The following SYCP2L variants were observed in gnomAD, a reference collection of about 807,000 sequenced individuals.
SYCP2L encodes synaptonemal complex protein 2 like.
A neutral mutation model predicts 125.8 loss-of-function variants in SYCP2L; 98 were observed. The ratio of observed to expected loss-of-function variants is 0.78; its 90% CI spans 0.66 to 0.92. The LOEUF (loss-of-function observed/expected upper bound fraction) is 0.92, where lower values mean the gene tolerates loss of function less well. Ranked by LOEUF, SYCP2L falls within the 40% of genes least tolerant of loss-of-function variation. The pLI, the probability that SYCP2L is intolerant of heterozygous loss-of-function variation, is 0.00. For synonymous variants in SYCP2L, 317 were observed against 325.4 expected (o/e 0.97, Z 0.28); for missense variants, 842 against 936.4 (o/e 0.90, Z 1.32).
intron 29 of SYCP2L, among the ~76,000 whole-genome samples, chr6:10,972,555 T>C (rs1040421998): frequency 7.9e-5 from 12 of 152,244 alleles, no homozygotes; most frequent in African/African-American, 2.9e-4. Context: ...CCGTTCTTTT[T>C]GTGACTTGGG....
At position 10,927,775 on chromosome 6, in the gene SYCP2L, C is replaced by G. The variant is rs371158122; in HGVS notation, c.1440+408C>G. On this transcript the variant is annotated intron_variant, in intron 17 of 29. Transcript: ENST00000283141. ...TTTATTAGGCGAGAATTTCCTCGCC[C>G]TAATAAGCCTGGGAGCGCTATGGGA... Among the ~76,000 whole-genome samples, 24 of 152,216 alleles carry G rather than the reference C, an allele frequency of 1.6e-4. 1 individual carries two copies. The East Asian group carries it at 3.9e-3, about 25-fold the overall frequency.
At chr6:10,972,448 T>G (rs1781790327) in intron 29 of SYCP2L, among the ~76,000 whole-genome samples, 1 of 152,194 alleles carries the variant, frequency 6.6e-6, no homozygotes, top group Admixed American at 6.5e-5. Flanking sequence ...GGCTTTTACT[T>G]TTTTCCCTGT....
chr6:10,906,355 C>T (rs749648491), intron 9 of SYCP2L, among the ~76,000 whole-genome samples: 1 of 151,888 alleles, frequency 6.6e-6, no homozygotes, highest in Non-Finnish European at 1.5e-5. Flanking sequence ...GTCCATGTTC[C>T]TCATCCCATT....
rs1250720035 is a variant in SYCP2L at position 10,910,873 on chromosome 6, TG to T, written c.918+5del. ...TGCTTTTGCTGATGAGCATGAGGTA[TG>T]TTCATCCCTCTTGGAGGTCCTGAGG... On this transcript the variant is annotated splice_donor_5th_base_variant and intron_variant, in intron 12 of 29. Transcript: ENST00000283141. 6.2e-7 allele frequency: 1 copy of T among 1,613,980 alleles called. No individual in the cohort carries two copies. The highest frequency in any genetic ancestry group is 8.5e-7 in the Non-Finnish European group (1 of 1,179,996).
intron 16 of SYCP2L, among the ~76,000 whole-genome samples, 198 bp downstream of exon 16, chr6:10,926,630 T>A (rs556649364): frequency 1.3e-5 from 2 of 151,988 alleles, no homozygotes; most frequent in South Asian, 4.2e-4. Flanking sequence ...CAACTGGAAA[T>A]GACAAAGAAG....
chr6:10,914,521 T>G (rs576420406), intron 14 of SYCP2L, among the ~76,000 whole-genome samples: 1 of 152,300 alleles, frequency 6.6e-6, no homozygotes, highest in Non-Finnish European at 1.5e-5. Flanking sequence ...TTTGGATTGT[T>G]TTTTCTAATT....
intron 29 of SYCP2L, among the ~76,000 whole-genome samples, chr6:10,973,473 A>G (rs1038764888): frequency 2.6e-5 from 4 of 152,248 alleles, no homozygotes; most frequent in Non-Finnish European, 4.4e-5. Context: ...CAGAGGTTGC[A>G]GTAAGCCAAG....
chr6:10,894,996 C>T (rs1316245115), intron 4 of SYCP2L, among the ~76,000 whole-genome samples: 2 of 152,188 alleles, frequency 1.3e-5, no homozygotes, highest in Admixed American at 6.6e-5. Context: ...TAAAATGCGT[C>T]TAATTATGAA....
chr6:10,890,227 C>T (rs2113278824), intron 1 of SYCP2L, among the ~76,000 whole-genome samples: 1 of 152,234 alleles, frequency 6.6e-6, no homozygotes, highest in Admixed American at 6.5e-5. Flanking sequence ...GGATATATCT[C>T]CAGGAGTGGA....
intron 21 of SYCP2L, among the ~76,000 whole-genome samples, chr6:10,940,589 A>C (rs1221211540): frequency 6.6e-6 from 1 of 152,216 alleles, no homozygotes; most frequent in African/African-American, 2.4e-5. Flanking sequence ...TAAAGGACAA[A>C]TACTATATAA....
At position 10,898,114 on chromosome 6, in the gene SYCP2L, T is replaced by C; in HGVS notation, c.440T>C (p.Leu147Ser). The C allele has an allele frequency of 6.2e-7, 1 of 1,606,934 alleles. No homozygotes were observed. The highest frequency in any genetic ancestry group is 8.5e-7 in the Non-Finnish European group (1 of 1,173,502). The change falls in exon 5 of 30, where the codon TTG (leucine) becomes TCG (serine). Residue 147 changes from leucine (L) to serine (S), a missense_variant and splice_region_variant. Leu to Ser is a moderately radical substitution (Grantham distance 145). Coordinates refer to ENST00000283141, the MANE Select transcript of SYCP2L (RefSeq NM_001040274.3). ...ATAGAAGATTTCTTTGACACTGCAT[T>C]GGTAAGGATGGGATGGATGCTTCAC... ...CVIEDFFDTA[L>S]IISRSSSEGK...
rs947990514 is a variant in SYCP2L at position 10,961,571 on chromosome 6, G to T, written c.2414+13G>T. Reference sequence around the variant, plus strand: ...TGCAAGTGCTGAGGTACTTTGAAAGGTGTTCTTTCTAGAAGAATCTTGGTT... The same window carrying T: ...TGCAAGTGCTGAGGTACTTTGAAAGTTGTTCTTTCTAGAAGAATCTTGGTT... On this transcript the variant is annotated intron_variant, in intron 28 of 29. Coordinates refer to ENST00000283141, the MANE Select transcript of SYCP2L (RefSeq NM_001040274.3). The T allele has an allele frequency of 1.2e-6, 2 of 1,613,644 alleles. No homozygotes were observed. The highest frequency in any genetic ancestry group is 1.7e-6 in the Non-Finnish European group (2 of 1,179,548).
At chr6:10,926,850 G>A (rs1160573497) in intron 16 of SYCP2L, among the ~76,000 whole-genome samples, 2 of 151,502 alleles carry the variant, frequency 1.3e-5, no homozygotes, top group African/African-American at 4.9e-5. Context: ...CACGATCTCG[G>A]CTCACTGCAA....
intron 28 of SYCP2L, 147 bp from the exon 29 acceptor site, chr6:10,963,634 AC>A (rs1285237075): frequency 1.4e-6 from 1 of 705,692 alleles, no homozygotes; most frequent in Non-Finnish European, 2.3e-6. Context: ...TTAATCTCTT[AC>A]GTTAATATCC....
In SYCP2L at chr6:10,961,414, T is replaced by C; in HGVS notation, c.2355+10T>C. On this transcript the variant is annotated intron_variant, in intron 27 of 29. Coordinates refer to ENST00000283141, the MANE Select transcript of SYCP2L (RefSeq NM_001040274.3). The stretch of plus-strand genomic sequence containing the variant: ...TGAGAAGGAGGTTCTGGTAAGTTCT[T>C]TTTGTGTGGAACATTTTCTGACTTC... The C allele has an allele frequency of 6.2e-7, 1 of 1,614,014 alleles. No individual in the cohort carries two copies.
chr6:10,921,158 T>C (rs938491623), intron 14 of SYCP2L, among the ~76,000 whole-genome samples: 2 of 152,200 alleles, frequency 1.3e-5, no homozygotes, highest in African/African-American at 2.4e-5. Flanking sequence ...TGTGTTAGTT[T>C]GCTGTGGATG....
rs751604654 is a variant in SYCP2L, at chr6:10,898,037, A to G, written c.363A>G (p.Thr121=). The G allele has an allele frequency of 7.4e-6, 12 of 1,614,100 alleles. No individual in the cohort carries two copies. The Admixed American group carries it at 1.7e-4, about 22-fold the overall frequency. Residue 121 remains threonine (T), a synonymous_variant, in exon 5 of 30, where the codon ACA becomes ACG. Coordinates refer to ENST00000283141, the MANE Select transcript of SYCP2L (RefSeq NM_001040274.3). The part of the protein sequence containing the change: ...PKLVSWFERT[T]GILTSEGLAS... ...TAGTTTCCTGGTTTGAAAGAACAAC[A>G]GGAATTCTGACCTCGGAAGGCCTAG... is the stretch of plus-strand genomic sequence containing the variant.
At chr6:10,955,655 T>C (rs1035661876) in intron 24 of SYCP2L, among the ~76,000 whole-genome samples, 8 of 152,228 alleles carry the variant, frequency 5.3e-5, no homozygotes, top group South Asian at 4.1e-4. Context: ...TTTGAAAGCA[T>C]TGATTCCAGA....
intron 20 of SYCP2L, among the ~76,000 whole-genome samples, chr6:10,933,211 AT>A (rs1013566381): frequency 2.0e-5 from 3 of 152,126 alleles, no homozygotes; most frequent in Non-Finnish European, 2.9e-5. Context: ...AGGTCAGCAC[AT>A]TTTTTCTGTA....
Sources: allele counts gnomAD v4.1 joint callset (sites outside exome capture counted in the v4.1 genomes callset), GRCh38; gene constraint gnomAD v4.1.1; transcripts MANE v1.5; gene names NCBI Gene and HGNC (gene_info 2026-07-23, HGNC 2026-07-21).